Variants in RPL32 observed in about 807,000 individuals in gnomAD.
RPL32 encodes the protein large ribosomal subunit protein eL32.
For missense variants in RPL32, 117 were observed against 173.7 expected (o/e 0.67, Z 1.83); for synonymous variants, 61 against 62.6 (o/e 0.98, Z 0.12).
rs1047554509 is a variant in RPL32, at chr3:12,835,740, T to C, written c.*354A>G. 1.0e-5 allele frequency: 2 copies of C among 198,740 alleles called. No homozygotes were observed. 12.3% of individuals were successfully genotyped at this position (198,740 alleles called of 1,614,324 possible). ...GCATCACATGGAATAACTTGTCACC[T>C]AACTTTACAAAAGCAAGGCTAAGAA... On this transcript the variant is annotated 3_prime_UTR_variant, in exon 4 of 4. Coordinates refer to ENST00000429711, the MANE Select transcript of RPL32 (RefSeq NM_000994.4).
intron 1 of RPL32, chr3:12,841,187 A>G (rs1340162973): frequency 5.2e-5 from 8 of 152,476 alleles, no homozygotes; most frequent in African/African-American, 1.9e-4. Context: ...AAAGCTGTCA[A>G]GCTGGGCCAC....
At chr3:12,839,095 C>G (rs887448864) in intron 3 of RPL32, 33 of 570,508 alleles carry the variant, frequency 5.8e-5, no homozygotes, top group Non-Finnish European at 9.7e-5. Flanking sequence ...TTGCAGTGTT[C>G]ACAAAGCAGT....
chr3:12,839,243 A>G (rs1039222254), intron 3 of RPL32, 106 bp downstream of exon 3: 6 of 994,216 alleles, frequency 6.0e-6, no homozygotes, highest in Non-Finnish European at 9.4e-6. Context: ...AATGTACAAC[A>G]CCCCCCGCCA....
chr3:12,840,673 A>G, intron 1 of RPL32: 1 of 373,340 alleles, frequency 2.7e-6, no homozygotes, highest in Non-Finnish European at 5.3e-6. Context: ...GAATGCCTGC[A>G]GTGCCTGTCA....
At position 12,835,257 on chromosome 3, in the gene RPL32, A is replaced by ACTT. The variant is rs1463851552; in HGVS notation, c.*834_*836dup. The stretch of plus-strand genomic sequence containing the variant: ...ATGGCTAGACCACCTCTACAAAAAA[A>ACTT]CTTCAAAAACTACCCAGGTTTGGAG... On this transcript the variant is annotated 3_prime_UTR_variant, in exon 4 of 4. Transcript: ENST00000429711. The ACTT allele has an allele frequency of 6.6e-6, 1 of 152,164 alleles. No individual in the cohort carries two copies. The allele number at this position is 152,164 out of a possible 1,614,324, so 9.4% of individuals were successfully genotyped here. A position where few individuals can be genotyped will look rare whatever the true frequency, so the allele number is the denominator to read the frequency against.
chr3:12,840,904 G>GTA (rs982173701), intron 1 of RPL32: 2 of 168,386 alleles, frequency 1.2e-5, no homozygotes, highest in African/African-American at 4.8e-5. Flanking sequence ...CCCAGAGTGG[G>GTA]TACTCAATGA....
chr3:12,839,188 C>A (rs1051617201), intron 3 of RPL32, 161 bp downstream of exon 3: 7 of 669,054 alleles, frequency 1.0e-5, no homozygotes, highest in Non-Finnish European at 1.6e-5. Context: ...CCCCAACAAG[C>A]ATTCTCTAAA....
Position 12,835,167 on chromosome 3 carries a change from A to G in RPL32, c.*927T>C, listed in dbSNP as rs1458672849. ...CTATATACTACAGAAGATGCCTGTAATCCCAGTACTTTGGGAGGCTGAAGC... is the reference window on the plus strand; with the variant it reads ...CTATATACTACAGAAGATGCCTGTAGTCCCAGTACTTTGGGAGGCTGAAGC... On this transcript the variant is annotated 3_prime_UTR_variant, in exon 4 of 4. Coordinates refer to ENST00000429711, the MANE Select transcript of RPL32 (RefSeq NM_000994.4). 1 of 152,216 alleles carries G rather than the reference A, an allele frequency of 6.6e-6. No homozygotes were observed. Among genetic ancestry groups the G allele is most frequent in the Non-Finnish European group, 1.5e-5 (1 of 68,036 alleles). 9.4% of individuals were successfully genotyped at this position (152,216 alleles called of 1,614,324 possible). A position where few individuals can be genotyped will look rare whatever the true frequency, so the allele number is the denominator to read the frequency against.
chr3:12,836,507 G>C (rs1310186037), intron 3 of RPL32, among the ~76,000 whole-genome samples: 1 of 152,118 alleles, frequency 6.6e-6, no homozygotes, highest in Non-Finnish European at 1.5e-5. Context: ...CCCACAGCAA[G>C]CAATGGACAG....
At chr3:12,837,019 C>G (rs2062105616) in intron 3 of RPL32, among the ~76,000 whole-genome samples, 1 of 152,178 alleles carries the variant, frequency 6.6e-6, no homozygotes, top group African/African-American at 2.4e-5. Flanking sequence ...CCAGACAATT[C>G]TTGTTTTATA....
chr3:12,840,386 G>A, intron 1 of RPL32, 144 bp from the exon 2 acceptor site: 2 of 764,602 alleles, frequency 2.6e-6, no homozygotes, highest in Non-Finnish European at 2.4e-6. Context: ...TGCCAGGCTT[G>A]CTTTCCCTCC....
intron 3 of RPL32, chr3:12,838,928 G>A (rs957317516): frequency 1.6e-5 from 4 of 255,150 alleles, no homozygotes; most frequent in Admixed American, 5.1e-5. Context: ...GGTCTCCCAA[G>A]GGCTGTGTCA....
chr3:12,839,597 G>T, intron 2 of RPL32, 67 bp from the exon 3 acceptor site: 1 of 1,455,700 alleles, frequency 6.9e-7, no homozygotes, highest in Non-Finnish European at 9.6e-7. Context: ...TTTGGGGAGG[G>T]AAAAAAAGGA....
intron 3 of RPL32, among the ~76,000 whole-genome samples, chr3:12,838,314 A>G (rs7615722): frequency 0.28 from 42,203 of 152,020 alleles, 8,167 homozygotes; most frequent in African/African-American, 0.56. Context: ...GGTGAGGCAG[A>G]AGAAACGCCT....
At chr3:12,837,090 G>C (rs2062106067) in intron 3 of RPL32, among the ~76,000 whole-genome samples, 1 of 152,176 alleles carries the variant, frequency 6.6e-6, no homozygotes, top group African/African-American at 2.4e-5. Flanking sequence ...TAAAGACTTA[G>C]GTTATATTAC....
At chr3:12,837,794 CT>C (rs1484941804) in intron 3 of RPL32, among the ~76,000 whole-genome samples, 1 of 152,208 alleles carries the variant, frequency 6.6e-6, no homozygotes, top group Non-Finnish European at 1.5e-5. Flanking sequence ...GAAAATTCAG[CT>C]TTTTGGCTTT....
chr3:12,834,850 T>G lies in RPL32; in HGVS notation c.*1244A>C, dbSNP rs1381038537. 6.6e-6 allele frequency: 1 copy of G among 152,186 alleles called. No homozygotes were observed. Among genetic ancestry groups the G allele is most frequent in the African/African-American group, 2.4e-5 (1 of 41,432 alleles). The allele number at this position is 152,186 out of a possible 1,614,324, so 9.4% of individuals were successfully genotyped here. On this transcript the variant is annotated 3_prime_UTR_variant, in exon 4 of 4. Coordinates refer to ENST00000429711, the MANE Select transcript of RPL32 (RefSeq NM_000994.4). ...GTCTCCAATTGTTAATCGAATCGCC[T>G]GAACCCAGGAGGCAGAAGTTGCAGG...
chr3:12,839,721 T>G, intron 2 of RPL32, 191 bp from the exon 3 acceptor site: 2 of 641,198 alleles, frequency 3.1e-6, no homozygotes, highest in African/African-American at 1.8e-5. Context: ...CCACTAGGGA[T>G]GAAGGCACCC....
At chr3:12,838,531 G>C (rs3821608) in intron 3 of RPL32, among the ~76,000 whole-genome samples, 119,226 of 152,150 alleles carry the variant, frequency 0.78, 47,195 homozygotes, top group African/African-American at 0.88. Flanking sequence ...TCCATCTAAT[G>C]CAAACTTTCC....
Sources: allele counts gnomAD v4.1 joint callset (sites outside exome capture counted in the v4.1 genomes callset), GRCh38; gene constraint gnomAD v4.1.1; transcripts MANE v1.5; gene names NCBI Gene and HGNC (gene_info 2026-07-23, HGNC 2026-07-21).